CSMD1: variants seen among roughly 807,000 people sequenced by gnomAD.
CSMD1 encodes CUB and sushi domain-containing protein 1.
A neutral mutation model predicts 417.5 loss-of-function variants in CSMD1; 213 were observed. The observed-to-expected ratio is 0.51, with a 90% CI of 0.46 to 0.57. The LOEUF (loss-of-function observed/expected upper bound fraction) is 0.57. Ranked by LOEUF, CSMD1 falls within the 20% of genes least tolerant of loss-of-function variation. CSMD1 has a pLI of 0.00. For missense variants in CSMD1, 6,923 were observed against 4,529.7 expected (o/e 1.53, Z -15.17); for synonymous variants, 2,862 against 1,736.8 (o/e 1.65, Z -16.11).
chr8:3,465,016 A>T (rs1304065744), intron 12 of CSMD1, among the ~76,000 whole-genome samples: 1 of 152,186 alleles, frequency 6.6e-6, no homozygotes, highest in Non-Finnish European at 1.5e-5. Flanking sequence ...ACACATGCTC[A>T]TAAGTATGAA....
intron 52 of CSMD1, among the ~76,000 whole-genome samples, chr8:3,004,240 C>T (rs1807679905): frequency 6.6e-6 from 1 of 152,104 alleles, no homozygotes; most frequent in African/African-American, 2.4e-5. Context: ...ATTTTGCAGA[C>T]TTTGTTTATT....
chr8:3,597,242 C>A (rs1275689291), intron 8 of CSMD1, among the ~76,000 whole-genome samples: 1 of 152,060 alleles, frequency 6.6e-6, no homozygotes, highest in African/African-American at 2.4e-5. Flanking sequence ...AGGGGTACAC[C>A]CAGGCTGTCT....
chr8:3,158,146 T>C (rs568305831), intron 38 of CSMD1, among the ~76,000 whole-genome samples, 180 bp from the exon 39 acceptor site: 5 of 152,318 alleles, frequency 3.3e-5, no homozygotes, highest in African/African-American at 1.2e-4. Flanking sequence ...TGAACCAACA[T>C]AGAAAAGTAT....
At chr8:4,500,714 A>C (rs1006114565) in intron 2 of CSMD1, among the ~76,000 whole-genome samples, 2 of 152,088 alleles carry the variant, frequency 1.3e-5, no homozygotes, top group African/African-American at 4.8e-5. Context: ...TGCGATAAAG[A>C]ATTGAGCTGT....
At chr8:4,620,053 G>T (rs890870306) in intron 2 of CSMD1, among the ~76,000 whole-genome samples, 1 of 151,848 alleles carries the variant, frequency 6.6e-6, no homozygotes, top group Non-Finnish European at 1.5e-5. Flanking sequence ...TATGGTGAAT[G>T]AAATATTTAT....
chr8:4,473,888 T>A (rs1157391990), intron 2 of CSMD1, among the ~76,000 whole-genome samples: 2 of 152,070 alleles, frequency 1.3e-5, no homozygotes, highest in East Asian at 3.9e-4. Context: ...AGAGGTAGCT[T>A]TTCAAATCAG....
intron 7 of CSMD1, among the ~76,000 whole-genome samples, chr8:3,618,354 C>T (rs773657865): frequency 3.3e-5 from 5 of 152,074 alleles, no homozygotes; most frequent in Non-Finnish European, 7.4e-5. Context: ...TAACATAATC[C>T]TTCATTAAAT....
rs148371456 is a variant in CSMD1, at chr8:3,000,505, C to A, written c.8030-374G>T. Among the ~76,000 whole-genome samples, 12 of 152,100 alleles carry A rather than the reference C, an allele frequency of 7.9e-5. No individual in the cohort carries two copies. The East Asian group carries it at 2.3e-3, about 29-fold the overall frequency. ...AATTAACATGAACAGGGCTTCTTAA[C>A]CTATTGATTATGGGTAGTAAGGAGA... On this transcript the variant is annotated intron_variant, in intron 52 of 69. Transcript: ENST00000635120.
At chr8:3,810,633 G>T (rs201724351) in intron 5 of CSMD1, among the ~76,000 whole-genome samples, 1 of 152,166 alleles carries the variant, frequency 6.6e-6, no homozygotes, top group Non-Finnish European at 1.5e-5. Context: ...TTGGGGGACT[G>T]GAGTCTTTAG....
chr8:3,969,315 C>T (rs762533571), intron 5 of CSMD1, among the ~76,000 whole-genome samples: 2 of 152,080 alleles, frequency 1.3e-5, no homozygotes, highest in Non-Finnish European at 2.9e-5. Flanking sequence ...AAAGGGCTTC[C>T]CAGGCCCATG....
chr8:4,110,137 A>G (rs183299106), intron 3 of CSMD1, among the ~76,000 whole-genome samples: 1 of 152,158 alleles, frequency 6.6e-6, no homozygotes, highest in African/African-American at 2.4e-5. Flanking sequence ...TCTTAGAATA[A>G]TAAGGTTTAA....
In CSMD1 at chr8:4,036,565, C is replaced by T. The variant is rs1797628697; in HGVS notation, c.416-4466G>A. Among the ~76,000 whole-genome samples, 6 of 152,244 alleles carry T rather than the reference C, an allele frequency of 3.9e-5. No homozygotes were observed. The South Asian group carries it at 1.2e-3, about 32-fold the overall frequency. ...GAAAAATATTTATTCTGTTCAATTT[C>T]ATCAATTTAGGAAAGGTATTTTTAA... On this transcript the variant is annotated intron_variant, in intron 3 of 69. Transcript: ENST00000635120.
rs74768612 is a variant in CSMD1 at position 3,306,275 on chromosome 8, C to G, written c.3950+1420G>C. Among the ~76,000 whole-genome samples the G allele has an allele frequency of 5.9e-3, 904 of 152,294 alleles. 25 individuals carry two copies. The East Asian group carries it at 0.076, about 13-fold the overall frequency. On this transcript the variant is annotated intron_variant, in intron 25 of 69. Coordinates refer to ENST00000635120, the MANE Select transcript of CSMD1 (RefSeq NM_033225.6). The stretch of plus-strand genomic sequence containing the variant: ...TTGTTTATAAATATTTTTCATCCTT[C>G]CACATCTTCTGCCTCAGTATCCTGA...
chr8:4,222,968 G>A (rs1374880936), intron 3 of CSMD1, among the ~76,000 whole-genome samples: 1 of 151,972 alleles, frequency 6.6e-6, no homozygotes, highest in Non-Finnish European at 1.5e-5. Flanking sequence ...AATAATTTGG[G>A]CTTTGAGAAG....
At chr8:3,891,979 C>A (rs1271315471) in intron 5 of CSMD1, among the ~76,000 whole-genome samples, 3 of 152,098 alleles carry the variant, frequency 2.0e-5, no homozygotes, top group African/African-American at 7.2e-5. Context: ...GCATCGGCTA[C>A]TTCAATATTA....
At chr8:4,263,525 A>G (rs1804031621) in intron 3 of CSMD1, among the ~76,000 whole-genome samples, 1 of 152,174 alleles carries the variant, frequency 6.6e-6, no homozygotes. Context: ...CTTCTCTGGC[A>G]CTTGATATTA....
chr8:4,284,058 C>T (rs377575131), intron 3 of CSMD1, among the ~76,000 whole-genome samples: 1 of 152,152 alleles, frequency 6.6e-6, no homozygotes, highest in East Asian at 1.9e-4. Flanking sequence ...CATTGTGAAA[C>T]CTGGTCTCTA....
intron 5 of CSMD1, among the ~76,000 whole-genome samples, chr8:3,988,736 G>C (rs1017019235): frequency 1.3e-5 from 2 of 152,186 alleles, no homozygotes; most frequent in African/African-American, 4.8e-5. Context: ...CATTCACAAA[G>C]TTGACGGACA....
chr8:3,482,236 AG>A (rs2117248651), intron 11 of CSMD1, among the ~76,000 whole-genome samples: 1 of 152,306 alleles, frequency 6.6e-6, no homozygotes, highest in Admixed American at 6.5e-5. Flanking sequence ...TATCAGAGAG[AG>A]GCAGAATGTA....
Sources: gnomAD v4.1 joint callset for allele counts (sites outside exome capture counted in the v4.1 genomes callset) on GRCh38, gnomAD v4.1.1 for gene constraint, MANE v1.5 for transcripts, NCBI Gene and HGNC (gene_info 2026-07-23, HGNC 2026-07-21) for gene names.